Variants in CDH3 observed in about 807,000 individuals in gnomAD.
CDH3 encodes cadherin-3.
Under a neutral mutation model 82.0 loss-of-function variants are expected in CDH3, and 54 were observed. The observed-to-expected ratio is 0.66, with a 90% CI of 0.53 to 0.83. CDH3 has a LOEUF of 0.83. Ranked by LOEUF, CDH3 falls within the 40% of genes least tolerant of loss-of-function variation. The pLI is 0.00. For missense variants in CDH3, 1,054 were observed against 1,084.6 expected (o/e 0.97, Z 0.40); for synonymous variants, 446 against 437.9 (o/e 1.02, Z -0.23).
chr16:68,664,936 C>T (rs2048254439), intron 2 of CDH3, among the ~76,000 whole-genome samples: 1 of 152,104 alleles, frequency 6.6e-6, no homozygotes, highest in South Asian at 2.1e-4. Flanking sequence ...AGGCATGAGC[C>T]ACTGTGCCTA....
downstream of CDH3, among the ~76,000 whole-genome samples, chr16:68,728,258 C>T (rs1391294473): frequency 3.3e-5 from 5 of 152,102 alleles, no homozygotes; most frequent in Admixed American, 6.6e-5. Context: ...CTCCGCCTCC[C>T]GGGTTCCTGC....
At chr16:68,727,284 G>A (rs1324295939) in exon 3 of CDH3, among the ~76,000 whole-genome samples, 1 of 152,168 alleles carries the variant, frequency 6.6e-6, no homozygotes, top group African/African-American at 2.4e-5. Context: ...CTTGGATTGG[G>A]CAATGCTACC....
chr16:68,718,513 C>T (rs1042833697), intron 1 of CDH3, among the ~76,000 whole-genome samples: 1 of 151,942 alleles, frequency 6.6e-6, no homozygotes, highest in African/African-American at 2.4e-5. Context: ...AAACCCATCT[C>T]TACTAAAAAT....
intron 2 of CDH3, among the ~76,000 whole-genome samples, chr16:68,726,940 G>A (rs555422562): frequency 1.4e-4 from 21 of 152,230 alleles, no homozygotes; most frequent in African/African-American, 5.1e-4. Context: ...ACTGGATTAA[G>A]GGATACCCAG....
chr16:68,672,333 G>A (rs1960909228), intron 2 of CDH3, among the ~76,000 whole-genome samples: 2 of 151,580 alleles, frequency 1.3e-5, no homozygotes, highest in Non-Finnish European at 2.9e-5. Context: ...TTCTTATTTT[G>A]TTTTACTATC....
intron 2 of CDH3, among the ~76,000 whole-genome samples, chr16:68,649,073 A>G (rs931458530): frequency 3.3e-5 from 5 of 152,088 alleles, no homozygotes; most frequent in African/African-American, 1.2e-4. Context: ...CTGGAAGCCG[A>G]CAGTGGAGAG....
chr16:68,704,421 G>T (rs11640736), downstream of CDH3, among the ~76,000 whole-genome samples: 75,930 of 152,106 alleles, frequency 0.5, 20,113 homozygotes, highest in Non-Finnish European at 0.59. Flanking sequence ...GGTGGAAACT[G>T]CACTTCCCAG....
At chr16:68,717,575 C>G (rs1025440315) in intron 1 of CDH3, among the ~76,000 whole-genome samples, 1 of 152,096 alleles carries the variant, frequency 6.6e-6, no homozygotes, top group Non-Finnish European at 1.5e-5. Context: ...GAGTTCGAGA[C>G]CAGCCTGGCC....
chr16:68,677,874 T>C (rs1961075525), intron 3 of CDH3, among the ~76,000 whole-genome samples: 1 of 152,166 alleles, frequency 6.6e-6, no homozygotes, highest in East Asian at 1.9e-4. Context: ...CCTGTATAAG[T>C]AAACACCGAG....
chr16:68,691,847 T>G lies in CDH3; in HGVS notation c.1923T>G (p.His641Gln). ...TCAGGGCCACTGTGTGCGACTGCCA[T>G]GGCCATGTCGAAACCTGCCCTGGAC... Reference protein sequence around the residue: ...TVIRATVCDCHGHVETCPGPW... With the variant: ...TVIRATVCDCQGHVETCPGPW... The change falls in exon 13 of 16, where the codon CAT (histidine) becomes CAG (glutamine). Residue 641 changes from histidine to glutamine, a missense_variant. His to Gln is a conservative substitution (Grantham distance 24). Coordinates refer to ENST00000264012, the MANE Select transcript of CDH3 (RefSeq NM_001793.6). The G allele has an allele frequency of 6.2e-7, 1 of 1,614,138 alleles. No homozygotes were observed. The highest frequency in any genetic ancestry group is 8.5e-7 in the Non-Finnish European group (1 of 1,180,018).
At chr16:68,725,824 TG>T (rs1419856587) in intron 2 of CDH3, among the ~76,000 whole-genome samples, 1 of 151,332 alleles carries the variant, frequency 6.6e-6, no homozygotes, top group Non-Finnish European at 1.5e-5. Flanking sequence ...GAGGCTGAGG[TG>T]GGTGGATTGC....
chr16:68,712,345 T>G (rs1471461491), intron 1 of CDH3, among the ~76,000 whole-genome samples: 2 of 151,938 alleles, frequency 1.3e-5, no homozygotes, highest in African/African-American at 4.8e-5. Flanking sequence ...CCAGAGAGGT[T>G]TCAACAAGAG....
intron 2 of CDH3, among the ~76,000 whole-genome samples, chr16:68,649,790 T>C (rs530527185): frequency 6.4e-4 from 97 of 152,110 alleles, no homozygotes; most frequent in Admixed American, 9.8e-4. Context: ...TCCCAGCACT[T>C]TGGGAGGCTG....
intron 12 of CDH3, among the ~76,000 whole-genome samples, chr16:68,691,492 T>A (rs1372337555): frequency 1.3e-5 from 2 of 152,240 alleles, no homozygotes; most frequent in East Asian, 1.9e-4. Flanking sequence ...TTGATTTTTT[T>A]AAAAGTAAAA....
intron 1 of CDH3, among the ~76,000 whole-genome samples, chr16:68,720,241 A>AT (rs1047251974): frequency 2.6e-5 from 4 of 151,932 alleles, no homozygotes; most frequent in African/African-American, 7.2e-5. Context: ...ATGCAAACTA[A>AT]TTTTTTTTAA....
chr16:68,689,112 C>T (rs1302342663), intron 12 of CDH3, among the ~76,000 whole-genome samples: 1 of 152,226 alleles, frequency 6.6e-6, no homozygotes, highest in Non-Finnish European at 1.5e-5. Flanking sequence ...CTAGACTCTA[C>T]TCCATGTGAC....
At chr16:68,669,880 A>T (rs928680329) in intron 2 of CDH3, among the ~76,000 whole-genome samples, 1 of 152,064 alleles carries the variant, frequency 6.6e-6, no homozygotes, top group Non-Finnish European at 1.5e-5. Context: ...GCACCCTGGG[A>T]GGCCAAGGTG....
At chr16:68,681,564 G>A (rs922712938) in intron 8 of CDH3, among the ~76,000 whole-genome samples, 3 of 152,276 alleles carry the variant, frequency 2.0e-5, no homozygotes, top group South Asian at 2.1e-4. Flanking sequence ...CGCCAGGGGC[G>A]GTGGCTCACA....
chr16:68,714,500 G>C (rs564415341), intron 1 of CDH3, among the ~76,000 whole-genome samples: 1 of 152,048 alleles, frequency 6.6e-6, no homozygotes, highest in Non-Finnish European at 1.5e-5. Flanking sequence ...TTTTTCCCCA[G>C]GAAGCCTTCT....
Sources: allele counts gnomAD v4.1 joint callset (sites outside exome capture counted in the v4.1 genomes callset), GRCh38; gene constraint gnomAD v4.1.1; transcripts MANE v1.5; gene names NCBI Gene and HGNC (gene_info 2026-07-23, HGNC 2026-07-21).